The following TENM4 variants were observed in gnomAD, a reference collection of about 807,000 sequenced individuals.
The protein encoded by TENM4 is teneurin-4.
A neutral mutation model predicts 243.3 loss-of-function variants in TENM4; 82 were observed. The ratio of observed to expected loss-of-function variants is 0.34; its 90% CI spans 0.28 to 0.40. The LOEUF is 0.40. Ranked by LOEUF, TENM4 falls within the 10% of genes least tolerant of loss-of-function variation. The probability of loss-of-function intolerance (pLI) is 1.00; values close to 1 mark genes in which losing one functional copy is unlikely to be tolerated. For synonymous variants in TENM4, 1,412 were observed against 1,456.3 expected (o/e 0.97, Z 0.69); for missense variants, 3,138 against 3,673.3 (o/e 0.85, Z 3.77).
At chr11:79,089,129 G>A (rs1860885458) in intron 4 of TENM4, among the ~76,000 whole-genome samples, 1 of 152,210 alleles carries the variant, frequency 6.6e-6, no homozygotes, top group Non-Finnish European at 1.5e-5. Flanking sequence ...ATTACCTTGG[G>A]TCACTGTGCA....
rs1359653018 is a variant in TENM4, at chr11:78,670,056, C to G, written c.6289G>C (p.Val2097Leu). The change falls in exon 32 of 34, where the codon GTG becomes CTG. Residue 2097 changes from valine to leucine, a missense_variant. Val to Leu is a conservative substitution (Grantham distance 32). Transcript: ENST00000278550. ...ATGGGCAGTGGGGTCTCGTTGATCA[C>G]AGCCTGCATGCTGGTCACCCGGAAG... The part of the protein sequence containing the change: ...NSFRVTSMQA[V>L]INETPLPIDL... 8 of 1,613,996 alleles carry G rather than the reference C, an allele frequency of 5.0e-6. No individual in the cohort carries two copies. The highest frequency in any genetic ancestry group is 6.8e-6 in the Non-Finnish European group (8 of 1,179,898).
At chr11:79,148,683 TC>T in intron 4 of TENM4, 26 bp downstream of exon 4, 2 of 788,766 alleles carry the variant, frequency 2.5e-6, no homozygotes, top group Non-Finnish European at 3.1e-6. Context: ...ATGAATACTC[TC>T]TGAAGTGTAA....
chr11:79,418,434 T>C (rs1207149999), intron 1 of TENM4, among the ~76,000 whole-genome samples: 3 of 152,218 alleles, frequency 2.0e-5, no homozygotes, highest in East Asian at 1.9e-4. Flanking sequence ...AAGATGCCAC[T>C]TGTATCTGTT....
chr11:79,269,074 C>G (rs73510674), intron 2 of TENM4, among the ~76,000 whole-genome samples: 1 of 152,066 alleles, frequency 6.6e-6, no homozygotes, highest in African/African-American at 2.4e-5. Flanking sequence ...GGAACCTAAC[C>G]CTGTATTTCC....
At chr11:79,241,085 G>A (rs1415417515) in intron 2 of TENM4, among the ~76,000 whole-genome samples, 1 of 151,954 alleles carries the variant, frequency 6.6e-6, no homozygotes, top group Non-Finnish European at 1.5e-5. Context: ...ATGCTGAGTG[G>A]CTTGAAAAGA....
chr11:79,272,475 T>G (rs796439033), intron 2 of TENM4, among the ~76,000 whole-genome samples: 11 of 152,316 alleles, frequency 7.2e-5, no homozygotes, highest in African/African-American at 2.6e-4. Flanking sequence ...CATTTTATAT[T>G]CTTTTATTTT....
intron 9 of TENM4, among the ~76,000 whole-genome samples, chr11:78,880,204 T>C (rs193282589): frequency 6.6e-6 from 1 of 152,286 alleles, no homozygotes; most frequent in African/African-American, 2.4e-5. Context: ...CAGGGTTAAA[T>C]GGATTAAGGG....
intron 31 of TENM4, among the ~76,000 whole-genome samples, chr11:78,670,957 T>G (rs952851095): frequency 6.6e-6 from 1 of 152,202 alleles, no homozygotes; most frequent in Non-Finnish European, 1.5e-5. Context: ...GCCTGAAGTA[T>G]GTACAGCAGT....
intron 1 of TENM4, among the ~76,000 whole-genome samples, chr11:79,345,271 C>G (rs1857307590): frequency 6.6e-6 from 1 of 152,274 alleles, no homozygotes; most frequent in South Asian, 2.1e-4. Context: ...GGCTTTTTCT[C>G]AATGGATATT....
chr11:79,015,573 A>G (rs1858752159), intron 6 of TENM4, among the ~76,000 whole-genome samples: 1 of 152,096 alleles, frequency 6.6e-6, no homozygotes, highest in Non-Finnish European at 1.5e-5. Flanking sequence ...TTCAATTAAA[A>G]CAACAGGTAA....
intron 3 of TENM4, among the ~76,000 whole-genome samples, chr11:79,186,827 C>T (rs1385432076): frequency 6.6e-6 from 1 of 152,186 alleles, no homozygotes; most frequent in Non-Finnish European, 1.5e-5. Context: ...ATTATTGATT[C>T]ACCTGCTTCC....
chr11:79,134,078 G>T (rs1862063478), intron 4 of TENM4, among the ~76,000 whole-genome samples: 1 of 152,120 alleles, frequency 6.6e-6, no homozygotes, highest in African/African-American at 2.4e-5. Context: ...CTGAAGATAT[G>T]ATTGTTTACC....
intron 1 of TENM4, among the ~76,000 whole-genome samples, chr11:79,388,564 CG>C (rs1457721071): frequency 2.0e-5 from 3 of 152,122 alleles, no homozygotes; most frequent in Non-Finnish European, 2.9e-5. Context: ...CTCCTTTGGG[CG>C]TAAGAGTGGG....
In TENM4 at chr11:78,657,935, T is replaced by G. The variant is rs1857934361; in HGVS notation, c.*123A>C. On this transcript the variant is annotated 3_prime_UTR_variant, in exon 34 of 34. Transcript: ENST00000278550. ...AAAAAGGATGTTGCATGAGTTACAA[T>G]GCAACCAGTATCTTTTTGTTTCTGC... The G allele has an allele frequency of 6.9e-7, 1 of 1,452,388 alleles. No individual in the cohort carries two copies. Among genetic ancestry groups the G allele is most frequent in the African/African-American group, 1.4e-5 (1 of 71,654 alleles). 90.0% of individuals were successfully genotyped at this position (1,452,388 alleles called of 1,614,324 possible).
rs928471591 is a variant in TENM4, at chr11:78,657,343, C to T, written c.*715G>A. On this transcript the variant is annotated 3_prime_UTR_variant, in exon 34 of 34. Transcript: ENST00000278550. ...CTCTATCCCAGCATGGGGGTGGCAC[C>T]GACAACTACACAGGATTTGCAAAAG... 13 of 397,650 alleles carry T rather than the reference C, an allele frequency of 3.3e-5. No homozygotes were observed. The South Asian group carries it at 1.3e-3, about 39-fold the overall frequency. The allele number at this position is 397,650 out of a possible 1,614,324, so 24.6% of individuals were successfully genotyped here. A position where few individuals can be genotyped will look rare whatever the true frequency, so the allele number is the denominator to read the frequency against.
intron 6 of TENM4, among the ~76,000 whole-genome samples, chr11:78,971,585 G>A (rs970683277): frequency 6.6e-6 from 1 of 152,124 alleles, no homozygotes; most frequent in Admixed American, 6.5e-5. Context: ...ACAGGCATGA[G>A]CCACTGCACC....
At chr11:78,716,032 T>G (rs1859514328) in intron 25 of TENM4, among the ~76,000 whole-genome samples, 1 of 152,224 alleles carries the variant, frequency 6.6e-6, no homozygotes, top group Non-Finnish European at 1.5e-5. Flanking sequence ...GACCTCATTT[T>G]CTTCACAACT....
chr11:78,872,465 G>A (rs1455489780), intron 9 of TENM4, among the ~76,000 whole-genome samples: 7 of 152,192 alleles, frequency 4.6e-5, no homozygotes, highest in Non-Finnish European at 8.8e-5. Flanking sequence ...ACACGCCACT[G>A]CCAGGTCTGG....
intron 6 of TENM4, among the ~76,000 whole-genome samples, chr11:78,947,461 CAGA>C (rs60795900): frequency 0.025 from 3,760 of 152,268 alleles, 129 homozygotes; most frequent in African/African-American, 0.079. Context: ...CCTGGAAAAG[CAGA>C]AGGAGACAGA....
Sources: gnomAD v4.1 joint callset for allele counts (sites outside exome capture counted in the v4.1 genomes callset) on GRCh38, gnomAD v4.1.1 for gene constraint, MANE v1.5 for transcripts, NCBI Gene and HGNC (gene_info 2026-07-23, HGNC 2026-07-21) for gene names.